Variants in STX8 observed in about 807,000 individuals in gnomAD.
STX8 encodes the protein syntaxin 8, also known as syntaxin-8.
In STX8, 23 loss-of-function variants were observed where a neutral mutation model predicts 37.5. The observed-to-expected ratio is 0.61, with a 90% confidence interval of 0.44 to 0.87. STX8 has a LOEUF of 0.87. Among genes scored for constraint, STX8 ranks in the 40% least tolerant of loss-of-function variants. The probability of loss-of-function intolerance (pLI) is 0.00; values close to 1 mark genes in which losing one functional copy is unlikely to be tolerated. For missense variants in STX8, 313 were observed against 284.7 expected, an observed-to-expected ratio of 1.10 and a Z score of -0.71; for synonymous variants, 115 against 99.1, an observed-to-expected ratio of 1.16 and a Z score of -0.95.
Position 9,261,720 on chromosome 17 carries a change from T to A in STX8, c.644-11075A>T, listed in dbSNP as rs147879848. Among the ~76,000 whole-genome samples the A allele has an allele frequency of 3.8e-3, 581 of 152,230 alleles. 9 individuals are homozygous for A. The highest frequency in any genetic ancestry group is 0.013 in the African/African-American group (560 of 41,540). ...AATTGTAAATAGATAATCCTTCATATCAGCCACCAAGAGCAGCAGGTTAGG... is the reference window on the plus strand; with the variant it reads ...AATTGTAAATAGATAATCCTTCATAACAGCCACCAAGAGCAGCAGGTTAGG... On this transcript the variant is annotated intron_variant, in intron 7 of 7. Transcript: ENST00000306357.
intron 7 of STX8, among the ~76,000 whole-genome samples, chr17:9,288,036 C>A (rs1908142985): frequency 7.0e-6 from 1 of 141,904 alleles, no homozygotes; most frequent in Non-Finnish European, 1.5e-5. Flanking sequence ...GTGTGAGCCA[C>A]CATGCCTGGC....
In STX8 at chr17:9,505,177, T is replaced by C; in HGVS notation, c.324-15A>G. 1 of 1,601,652 alleles carries C rather than the reference T, an allele frequency of 6.2e-7. No individual in the cohort carries two copies. The highest frequency in any genetic ancestry group is 1.3e-5 in the African/African-American group (1 of 74,448). On this transcript the variant is annotated splice_polypyrimidine_tract_variant and intron_variant, in intron 4 of 7. Transcript: ENST00000306357. ...TCAGGCTGGACCTAAAGAACAATAT[T>C]AAATGCATGATATATCTCAAAACAT...
At chr17:9,373,566 GA>G (rs1360869151) in intron 7 of STX8, among the ~76,000 whole-genome samples, 1 of 152,132 alleles carries the variant, frequency 6.6e-6, no homozygotes. Flanking sequence ...TACAGAGACA[GA>G]AAGTAGAAAA....
At chr17:9,380,216 C>T (rs1322138816) in intron 6 of STX8, among the ~76,000 whole-genome samples, 2 of 140,326 alleles carry the variant, frequency 1.4e-5, no homozygotes, top group Non-Finnish European at 3.1e-5. Flanking sequence ...CTGCTGCCTT[C>T]TTCCTTGCAT....
At chr17:9,404,744 C>T (rs1055616408) in intron 6 of STX8, among the ~76,000 whole-genome samples, 1 of 152,200 alleles carries the variant, frequency 6.6e-6, no homozygotes, top group African/African-American at 2.4e-5. Flanking sequence ...TGAGCCACTG[C>T]GCCTGGCCTG....
intron 7 of STX8, among the ~76,000 whole-genome samples, chr17:9,318,607 G>A (rs1310566221): frequency 6.6e-6 from 1 of 152,128 alleles, no homozygotes; most frequent in Non-Finnish European, 1.5e-5. Flanking sequence ...AATAAAAACA[G>A]GTCACAAACA....
rs181235385 is a variant in STX8 at position 9,526,277 on chromosome 17, A to T, written c.323+18895T>A. Reference sequence around the variant, plus strand: ...CATGGGCACAACGACTTCTCTAAGAATCAGTCTCCTCATTTGTAAACCAAA... The same window carrying T: ...CATGGGCACAACGACTTCTCTAAGATTCAGTCTCCTCATTTGTAAACCAAA... On this transcript the variant is annotated intron_variant, in intron 4 of 7. Transcript: ENST00000306357. Among the ~76,000 whole-genome samples the T allele has an allele frequency of 3.3e-5, 5 of 152,196 alleles. No individual in the cohort carries two copies. The East Asian group carries it at 9.6e-4, about 29-fold the overall frequency.
At chr17:9,570,846 G>T (rs1407059702) in intron 1 of STX8, among the ~76,000 whole-genome samples, 1 of 152,162 alleles carries the variant, frequency 6.6e-6, no homozygotes, top group Non-Finnish European at 1.5e-5. Context: ...CACTCAGATG[G>T]AGAGGGTCCA....
rs546043400 is a variant in STX8, at chr17:9,445,280, G to A, written c.541+46549C>T. Reference sequence around the variant, plus strand: ...AAATGCCAAAATCCACAAAGAGAACGACCAAGGAACATTTCTTTTTTCCTT... The same window carrying A: ...AAATGCCAAAATCCACAAAGAGAACAACCAAGGAACATTTCTTTTTTCCTT... On this transcript the variant is annotated intron_variant, in intron 6 of 7. Coordinates refer to ENST00000306357, the MANE Select transcript of STX8 (RefSeq NM_004853.3). Among the ~76,000 whole-genome samples the A allele has an allele frequency of 4.0e-5, 6 of 151,844 alleles. No individual in the cohort carries two copies. The South Asian group carries it at 1.3e-3, about 32-fold the overall frequency.
At chr17:9,534,855 A>T (rs1905965074) in intron 4 of STX8, among the ~76,000 whole-genome samples, 1 of 152,208 alleles carries the variant, frequency 6.6e-6, no homozygotes, top group East Asian at 1.9e-4. Context: ...ATTAAAACTT[A>T]AAGTATCCAT....
intron 6 of STX8, among the ~76,000 whole-genome samples, chr17:9,422,268 C>T (rs779510860): frequency 2.0e-5 from 3 of 152,118 alleles, no homozygotes; most frequent in Non-Finnish European, 4.4e-5. Flanking sequence ...CCACACCTGA[C>T]TAATTTTTGT....
intron 6 of STX8, among the ~76,000 whole-genome samples, chr17:9,401,651 C>A (rs748475647): frequency 3.9e-5 from 6 of 152,178 alleles, no homozygotes; most frequent in Non-Finnish European, 8.8e-5. Context: ...TAAATATAGT[C>A]TGCATTCTTC....
At chr17:9,288,489 G>A (rs1011164644) in intron 7 of STX8, among the ~76,000 whole-genome samples, 5 of 151,592 alleles carry the variant, frequency 3.3e-5, no homozygotes, top group Non-Finnish European at 5.9e-5. Flanking sequence ...GTGAAACCCC[G>A]TCTCTACTAA....
chr17:9,285,966 G>A (rs1339838370), intron 7 of STX8, among the ~76,000 whole-genome samples: 2 of 151,904 alleles, frequency 1.3e-5, no homozygotes, highest in African/African-American at 2.4e-5. Flanking sequence ...CCATATTACC[G>A]CATCCCACAC....
Position 9,322,788 on chromosome 17 carries a change from A to G in STX8, c.643+55764T>C, listed in dbSNP as rs142613455. Among the ~76,000 whole-genome samples the G allele has an allele frequency of 5.4e-5, 8 of 147,036 alleles. No homozygotes were observed. In the East Asian group the frequency reaches 1.6e-3, roughly 29 times the overall value. The stretch of plus-strand genomic sequence containing the variant: ...CCTGCAGTCAGTCTTTCCTTTGTGA[A>G]CCAAACCCAATTTGGGTGCATTTGC... On this transcript the variant is annotated intron_variant, in intron 7 of 7. Coordinates refer to ENST00000306357, the MANE Select transcript of STX8 (RefSeq NM_004853.3).
rs540079338 is a variant in STX8, at chr17:9,290,917, A to G, written c.644-40272T>C. On this transcript the variant is annotated intron_variant, in intron 7 of 7. Transcript: ENST00000306357. ...CTAATGTCCTCTGCTGAAAAAGACA[A>G]CCCTTTGGGGGTTTCCGCACTACCT... Among the ~76,000 whole-genome samples the G allele has an allele frequency of 1.8e-4, 28 of 152,146 alleles. No individual in the cohort carries two copies. The South Asian group carries it at 4.2e-3, about 23-fold the overall frequency.
At chr17:9,557,599 A>G in intron 2 of STX8, 71 bp from the exon 3 acceptor site, 1 of 1,314,536 alleles carries the variant, frequency 7.6e-7, no homozygotes, top group Non-Finnish European at 1.1e-6. Context: ...CATCACGTAA[A>G]CACTACTTCA....
intron 7 of STX8, among the ~76,000 whole-genome samples, chr17:9,307,562 C>T (rs191534971): frequency 7.6e-4 from 115 of 152,286 alleles, no homozygotes; most frequent in Middle Eastern, 3.4e-3. Flanking sequence ...CTGCTGTGAT[C>T]TCCTACTGAG....
chr17:9,391,077 T>C (rs1447046512), intron 6 of STX8, among the ~76,000 whole-genome samples: 1 of 152,078 alleles, frequency 6.6e-6, no homozygotes, highest in African/African-American at 2.4e-5. Context: ...GAAAACAACC[T>C]ACACAGAAGA....
Sources: gnomAD v4.1 joint callset for allele counts (sites outside exome capture counted in the v4.1 genomes callset) on GRCh38, gnomAD v4.1.1 for gene constraint, MANE v1.5 for transcripts, NCBI Gene and HGNC (gene_info 2026-07-23, HGNC 2026-07-21) for gene names.